JMY: variants seen among roughly 807,000 people sequenced by gnomAD.
JMY encodes the protein junction-mediating and -regulatory protein.
Under a neutral mutation model 103.3 loss-of-function variants are expected in JMY, and 46 were observed. The observed-to-expected ratio is 0.45, with a 90% CI of 0.35 to 0.57. The LOEUF is 0.57. JMY is among the 20% of genes least tolerant of loss of function. The pLI is 0.00. For synonymous variants in JMY, 526 were observed against 489.3 expected (o/e 1.07, Z -0.99); for missense variants, 1,238 against 1,255.2 (o/e 0.99, Z 0.21).
chr5:79,241,663 A>C (rs975804838), intron 1 of JMY, among the ~76,000 whole-genome samples: 4 of 152,240 alleles, frequency 2.6e-5, no homozygotes, highest in African/African-American at 9.6e-5. Flanking sequence ...GAGTCACAGG[A>C]ATGTTTTGGT....
At position 79,282,608 on chromosome 5, in the gene JMY, G is replaced by A. The variant is rs145294568; in HGVS notation, c.1206+4525G>A. Reference sequence around the variant, plus strand: ...AATAAGAATTTTCAGTAGGAAGTGGGTACGTTACAATCTCTGTCAGAGATT... The same window carrying A: ...AATAAGAATTTTCAGTAGGAAGTGGATACGTTACAATCTCTGTCAGAGATT... On this transcript the variant is annotated intron_variant, in intron 2 of 10. Coordinates refer to ENST00000396137, the MANE Select transcript of JMY (RefSeq NM_152405.5). Among the ~76,000 whole-genome samples, 615 of 152,246 alleles carry A rather than the reference G, an allele frequency of 4.0e-3. 3 individuals are homozygous for A. Among genetic ancestry groups the A allele is most frequent in the Non-Finnish European group, 4.6e-3 (313 of 68,030 alleles).
chr5:79,308,220 A>G (rs1301979877), intron 7 of JMY, among the ~76,000 whole-genome samples: 4 of 152,164 alleles, frequency 2.6e-5, no homozygotes, highest in Non-Finnish European at 5.9e-5. Context: ...AAGTGTTTTA[A>G]CAAAGTCCAA....
At chr5:79,289,251 AAAG>A (rs1417044499) in intron 2 of JMY, among the ~76,000 whole-genome samples, 4 of 151,632 alleles carry the variant, frequency 2.6e-5, no homozygotes, top group Admixed American at 1.3e-4. Context: ...AAAAAAAAAA[AAAG>A]GAGAATATGG....
intron 1 of JMY, among the ~76,000 whole-genome samples, chr5:79,257,458 C>T (rs1436096104): frequency 6.6e-6 from 1 of 152,080 alleles, no homozygotes; most frequent in Non-Finnish European, 1.5e-5. Context: ...CAAAAATTTG[C>T]CAGGCATGGT....
chr5:79,262,655 T>A (rs1384749481), intron 1 of JMY, among the ~76,000 whole-genome samples: 1 of 152,238 alleles, frequency 6.6e-6, no homozygotes, highest in African/African-American at 2.4e-5. Flanking sequence ...TAAGGTAGTC[T>A]AGTATTGGAA....
intron 1 of JMY, among the ~76,000 whole-genome samples, chr5:79,266,610 T>G (rs917977481): frequency 6.6e-6 from 1 of 152,242 alleles, no homozygotes; most frequent in African/African-American, 2.4e-5. Context: ...TTCTTCCAAC[T>G]GTTTTGAAAT....
In JMY at chr5:79,237,050, A is replaced by C; in HGVS notation, c.400A>C (p.Lys134Gln). 6.6e-7 allele frequency: 1 copy of C among 1,524,078 alleles called. No individual in the cohort carries two copies. The highest frequency in any genetic ancestry group is 1.2e-5 in the South Asian group (1 of 82,174). The allele number at this position is 1,524,078 out of a possible 1,614,324, so 94.4% of individuals were successfully genotyped here. Residue 134 changes from lysine to glutamine, a missense_variant, in exon 1 of 11, where the codon AAA becomes CAA. Physicochemically the swap from Lys to Gln is moderately conservative, Grantham distance 53. Coordinates refer to ENST00000396137, the MANE Select transcript of JMY (RefSeq NM_152405.5). Reference protein sequence around the residue: ...GDPRLRSPGSKGAESRLRSPV... With the variant: ...GDPRLRSPGSQGAESRLRSPV... Reference sequence around the variant, plus strand: ...CCCGCGGCTGCGGAGTCCTGGCAGCAAAGGGGCGGAGAGTCGTCTTAGGAG... The same window carrying C: ...CCCGCGGCTGCGGAGTCCTGGCAGCCAAGGGGCGGAGAGTCGTCTTAGGAG...
intron 9 of JMY, 26 bp downstream of exon 9, chr5:79,314,877 A>G (rs374310536): frequency 5.2e-6 from 8 of 1,526,652 alleles, no homozygotes; most frequent in African/African-American, 2.8e-5. Flanking sequence ...TTCATGGTCC[A>G]TCTGTTGTAT....
intron 1 of JMY, among the ~76,000 whole-genome samples, chr5:79,256,096 T>TAGAATCAGAA (rs1372802691): frequency 6.6e-6 from 1 of 152,238 alleles, no homozygotes; most frequent in African/African-American, 2.4e-5. Flanking sequence ...CTTGGAAGTC[T>TAGAATCAGAA]ACCTGGTGTT....
chr5:79,246,285 T>A (rs973286876), intron 1 of JMY, among the ~76,000 whole-genome samples: 6 of 152,228 alleles, frequency 3.9e-5, no homozygotes, highest in Non-Finnish European at 7.3e-5. Flanking sequence ...GATGAGTTTC[T>A]ATCCACACCT....
chr5:79,296,494 A>T (rs1746567095), intron 4 of JMY, among the ~76,000 whole-genome samples: 1 of 152,056 alleles, frequency 6.6e-6, no homozygotes, highest in Admixed American at 6.6e-5. Context: ...ATGACCCTTT[A>T]AAAAAAAGAT....
chr5:79,248,722 G>A (rs1744985389), intron 1 of JMY, among the ~76,000 whole-genome samples: 1 of 152,086 alleles, frequency 6.6e-6, no homozygotes, highest in African/African-American at 2.4e-5. Context: ...AGTTAAGGAT[G>A]TTAATTTCTT....
At chr5:79,318,984 C>T (rs1317406556) in intron 10 of JMY, among the ~76,000 whole-genome samples, 1 of 151,654 alleles carries the variant, frequency 6.6e-6, no homozygotes, top group African/African-American at 2.4e-5. Context: ...CATCTTTGCA[C>T]TGACTAATTC....
intron 6 of JMY, among the ~76,000 whole-genome samples, chr5:79,303,371 G>A (rs370162461): frequency 1.3e-5 from 2 of 152,150 alleles, no homozygotes; most frequent in Non-Finnish European, 2.9e-5. Context: ...CCTGAGGAGG[G>A]TGTTCTTAGG....
In JMY at chr5:79,279,713, G is replaced by C. The variant is rs775682474; in HGVS notation, c.1206+1630G>C. Among the ~76,000 whole-genome samples the C allele has an allele frequency of 3.3e-5, 5 of 152,248 alleles. No homozygotes were observed. In the East Asian group the frequency reaches 9.6e-4, roughly 29 times the overall value. On this transcript the variant is annotated intron_variant, in intron 2 of 10. Coordinates refer to ENST00000396137, the MANE Select transcript of JMY (RefSeq NM_152405.5). ...CCTTTATCAATACTTTTGGAAAATAGCTGTGCTGTCAGCTTTTTGAGGGGG... is the reference window on the plus strand; with the variant it reads ...CCTTTATCAATACTTTTGGAAAATACCTGTGCTGTCAGCTTTTTGAGGGGG...
intron 1 of JMY, among the ~76,000 whole-genome samples, chr5:79,256,137 A>G (rs149196905): frequency 6.6e-6 from 1 of 152,306 alleles, no homozygotes; most frequent in African/African-American, 2.4e-5. Flanking sequence ...TGGCACTCAC[A>G]CCACTAGGTG....
At chr5:79,248,633 T>C (rs1744980282) in intron 1 of JMY, among the ~76,000 whole-genome samples, 1 of 151,944 alleles carries the variant, frequency 6.6e-6, no homozygotes, top group Admixed American at 6.6e-5. Context: ...TAGTAAATAA[T>C]TACCTCACCT....
intron 7 of JMY, among the ~76,000 whole-genome samples, chr5:79,307,640 GATAT>G (rs1483962290): frequency 6.6e-6 from 1 of 152,128 alleles, no homozygotes; most frequent in Non-Finnish European, 1.5e-5. Flanking sequence ...CTTTAATGCA[GATAT>G]ATAGATAAAT....
intron 2 of JMY, among the ~76,000 whole-genome samples, chr5:79,281,981 G>T (rs545537883): frequency 3.3e-5 from 5 of 152,042 alleles, no homozygotes; most frequent in Non-Finnish European, 7.4e-5. Flanking sequence ...CGAGGCGGGC[G>T]GATCACAAGG....
Sources: allele counts gnomAD v4.1 joint callset (sites outside exome capture counted in the v4.1 genomes callset), GRCh38; gene constraint gnomAD v4.1.1; transcripts MANE v1.5; gene names NCBI Gene and HGNC (gene_info 2026-07-23, HGNC 2026-07-21).